The following CNST variants were observed in gnomAD, a reference collection of about 807,000 sequenced individuals.
CNST encodes consortin.
Under a neutral mutation model 72.4 loss-of-function variants are expected in CNST, and 39 were observed. That is an observed-to-expected ratio of 0.54 (90% CI 0.42 to 0.70). The LOEUF (loss-of-function observed/expected upper bound fraction) is 0.70. Ranked by LOEUF, CNST falls within the 30% of genes least tolerant of loss-of-function variation. CNST has a pLI of 0.00. For missense variants in CNST, 871 were observed against 868.5 expected, an observed-to-expected ratio of 1.00 and a Z score of -0.04; for synonymous variants, 332 against 320.1, an observed-to-expected ratio of 1.04 and a Z score of -0.40.
At chr1:246,592,085 C>T (rs931189450) in intron 2 of CNST, 144 bp downstream of exon 2, 2 of 639,930 alleles carry the variant, frequency 3.1e-6, no homozygotes, top group Non-Finnish European at 5.4e-6. Flanking sequence ...CAAGTAGATC[C>T]AACTGCATGA....
chr1:246,566,783 C>T (rs898774650), intron 1 of CNST, 120 bp downstream of exon 1: 1 of 398,374 alleles, frequency 2.5e-6, no homozygotes, highest in African/African-American at 2.1e-5. Context: ...CAGCCTCTGC[C>T]CTCCGGGTGA....
In CNST at chr1:246,585,553, G is replaced by A. The variant is rs573385765; in HGVS notation, c.-51-5959G>A. Among the ~76,000 whole-genome samples, 196 of 150,886 alleles carry A rather than the reference G, an allele frequency of 1.3e-3. 2 individuals carry two copies. The highest frequency in any genetic ancestry group is 4.4e-3 in the African/African-American group (181 of 41,068). ...TCCCAGCTACTCAGGTGGCTGAGGC[G>A]GCAGAATCACTTGAATCGGGAGGCA... On this transcript the variant is annotated intron_variant, in intron 1 of 10. Coordinates refer to ENST00000366513, the MANE Select transcript of CNST (RefSeq NM_152609.3).
chr1:246,569,709 G>A (rs1239922620), intron 1 of CNST, among the ~76,000 whole-genome samples: 4 of 152,162 alleles, frequency 2.6e-5, no homozygotes, highest in South Asian at 2.1e-4. Flanking sequence ...GATTACAGGC[G>A]TAGCCACCAT....
At chr1:246,605,658 C>T (rs1389263175) in intron 2 of CNST, among the ~76,000 whole-genome samples, 1 of 149,776 alleles carries the variant, frequency 6.7e-6, no homozygotes, top group African/African-American at 2.5e-5. Flanking sequence ...GGGTGTCTTC[C>T]GGCCGGGGTG....
chr1:246,616,932 A>C (rs797000060), intron 2 of CNST, among the ~76,000 whole-genome samples: 1 of 151,970 alleles, frequency 6.6e-6, no homozygotes, highest in African/African-American at 2.4e-5. Flanking sequence ...TGAAATTCAC[A>C]CGGAAAAATA....
At chr1:246,568,750 T>C (rs1659879191) in intron 1 of CNST, among the ~76,000 whole-genome samples, 1 of 152,218 alleles carries the variant, frequency 6.6e-6, no homozygotes, top group Admixed American at 6.5e-5. Flanking sequence ...CTAATTTTTG[T>C]ATTTTTAGTA....
chr1:246,590,184 A>G (rs751388960), intron 1 of CNST, among the ~76,000 whole-genome samples: 1 of 152,090 alleles, frequency 6.6e-6, no homozygotes. Flanking sequence ...AGGGCTTACA[A>G]CTCTAAGGGG....
At chr1:246,581,886 A>C (rs942276427) in intron 1 of CNST, among the ~76,000 whole-genome samples, 3 of 152,148 alleles carry the variant, frequency 2.0e-5, no homozygotes, top group African/African-American at 4.8e-5. Context: ...ATTTTATGAG[A>C]TGTCTGCTAA....
intron 9 of CNST, among the ~76,000 whole-genome samples, chr1:246,648,791 T>C (rs968882686): frequency 6.6e-6 from 1 of 152,212 alleles, no homozygotes; most frequent in African/African-American, 2.4e-5. Context: ...TAGCTGCCTT[T>C]CCTTTTCTTC....
chr1:246,652,491 C>A (rs563289664), intron 9 of CNST, among the ~76,000 whole-genome samples: 16 of 152,032 alleles, frequency 1.1e-4, no homozygotes, highest in Non-Finnish European at 2.1e-4. Flanking sequence ...TTCAGAGGTC[C>A]CCTTGTGAGC....
At chr1:246,632,176 T>A in intron 4 of CNST, 1 of 350,422 alleles carries the variant, frequency 2.9e-6, no homozygotes, top group Non-Finnish European at 5.1e-6. Context: ...AAAATAAGTA[T>A]TTGTATTTAT....
intron 8 of CNST, among the ~76,000 whole-genome samples, chr1:246,644,281 G>C (rs1665902679): frequency 6.6e-6 from 1 of 151,730 alleles, no homozygotes; most frequent in Non-Finnish European, 1.5e-5. Context: ...CCCAGCTGCT[G>C]GAGAGGCTGA....
At chr1:246,628,153 G>A (rs1404461265) in intron 3 of CNST, among the ~76,000 whole-genome samples, 1 of 152,114 alleles carries the variant, frequency 6.6e-6, no homozygotes, top group African/African-American at 2.4e-5. Context: ...TTCCCTGGCA[G>A]CTGATTAGAT....
intron 2 of CNST, among the ~76,000 whole-genome samples, chr1:246,596,069 T>C (rs1186568747): frequency 6.6e-6 from 1 of 152,074 alleles, no homozygotes; most frequent in Non-Finnish European, 1.5e-5. Flanking sequence ...TTAAGAGAAT[T>C]GAATCCCCTT....
chr1:246,587,429 TGAG>T (rs1424197596), intron 1 of CNST, among the ~76,000 whole-genome samples: 1 of 152,226 alleles, frequency 6.6e-6, no homozygotes, highest in Non-Finnish European at 1.5e-5. Context: ...ACAGTTTCCA[TGAG>T]GATATATAGT....
At chr1:246,619,457 C>T (rs1332594140) in intron 2 of CNST, among the ~76,000 whole-genome samples, 2 of 152,136 alleles carry the variant, frequency 1.3e-5, no homozygotes, top group African/African-American at 4.8e-5. Flanking sequence ...GTTGAAGACA[C>T]CATGCTGGGT....
rs1227743747 is a variant in CNST at position 246,647,627 on chromosome 1, C to G, written c.1426C>G (p.Leu476Val). 1.2e-6 allele frequency: 2 copies of G among 1,614,054 alleles called. No homozygotes were observed. The highest frequency in any genetic ancestry group is 2.7e-5 in the African/African-American group (2 of 74,930). Residue 476 changes from leucine (L) to valine (V), a missense_variant, in exon 9 of 11, where the codon CTT (leucine) becomes GTT (valine). Leu to Val is a conservative substitution (Grantham distance 32). Transcript: ENST00000366513. ...DASEALPTDQ[L>V]ENNELNELQQ... is the part of the protein sequence containing the mutation. ...TTCTGAGGCGTTGCCCACAGACCAA[C>G]TTGAGAACAATGAATTAAATGAGCT...
intron 6 of CNST, among the ~76,000 whole-genome samples, chr1:246,639,042 G>T (rs1375750912): frequency 6.6e-6 from 1 of 152,170 alleles, no homozygotes; most frequent in Admixed American, 6.5e-5. Flanking sequence ...GGCTTCCAAG[G>T]GTGAGGACAG....
intron 7 of CNST, 82 bp downstream of exon 7, chr1:246,641,852 G>A: frequency 7.7e-7 from 1 of 1,296,476 alleles, no homozygotes; most frequent in South Asian, 1.3e-5. Flanking sequence ...TTTGGAAAAT[G>A]AGGAAACCTT....
Sources: allele counts gnomAD v4.1 joint callset (sites outside exome capture counted in the v4.1 genomes callset), GRCh38; gene constraint gnomAD v4.1.1; transcripts MANE v1.5; gene names NCBI Gene and HGNC (gene_info 2026-07-23, HGNC 2026-07-21).